FAM13C: variants seen among roughly 807,000 people sequenced by gnomAD.
FAM13C encodes the protein family with sequence similarity 13 member C.
In FAM13C, 37 loss-of-function variants were observed where a neutral mutation model predicts 73.2. That is an observed-to-expected ratio of 0.51 (90% CI 0.39 to 0.67). FAM13C has a LOEUF of 0.67. Ranked by LOEUF, FAM13C falls within the 30% of genes least tolerant of loss-of-function variation. FAM13C has a pLI of 0.00. For missense variants in FAM13C, 589 were observed against 715.6 expected (o/e 0.82, Z 2.02); for synonymous variants, 246 against 260.9 (o/e 0.94, Z 0.55).
intron 4 of FAM13C, among the ~76,000 whole-genome samples, chr10:59,317,810 T>G (rs1265576744): frequency 6.6e-6 from 1 of 152,040 alleles, no homozygotes; most frequent in African/African-American, 2.4e-5. Context: ...TAGTTACATA[T>G]GTATACATGT....
chr10:59,348,132 G>T (rs1854559598), intron 3 of FAM13C, among the ~76,000 whole-genome samples: 1 of 152,190 alleles, frequency 6.6e-6, no homozygotes, highest in South Asian at 2.1e-4. Flanking sequence ...CAATATCTAT[G>T]ATGGTGCTTT....
At chr10:59,285,764 C>T (rs1845481367) in intron 5 of FAM13C, among the ~76,000 whole-genome samples, 1 of 152,072 alleles carries the variant, frequency 6.6e-6, no homozygotes, top group Non-Finnish European at 1.5e-5. Flanking sequence ...GGAGACAGCC[C>T]CTTTAAAGAG....
chr10:59,322,698 A>G (rs1850485381), intron 4 of FAM13C, among the ~76,000 whole-genome samples: 1 of 152,172 alleles, frequency 6.6e-6, no homozygotes, highest in Non-Finnish European at 1.5e-5. Context: ...TTGCTTTTAT[A>G]TTATTTTGAA....
At chr10:59,308,247 C>T (rs1246088517) in intron 4 of FAM13C, among the ~76,000 whole-genome samples, 3 of 152,150 alleles carry the variant, frequency 2.0e-5, no homozygotes, top group Non-Finnish European at 4.4e-5. Flanking sequence ...GCCTGCACTC[C>T]TCAGAGCCCA....
chr10:59,251,403 C>G, intron 13 of FAM13C, 172 bp downstream of exon 13: 4 of 650,862 alleles, frequency 6.1e-6, no homozygotes, highest in Non-Finnish European at 1.1e-5. Flanking sequence ...ATGAAACATC[C>G]CTAATACTGG....
intron 3 of FAM13C, among the ~76,000 whole-genome samples, chr10:59,334,486 T>G (rs541098088): frequency 4.3e-4 from 66 of 152,226 alleles, no homozygotes; most frequent in African/African-American, 1.5e-3. Context: ...CTATTCATAA[T>G]AGCAAAGACT....
intron 5 of FAM13C, 148 bp downstream of exon 5, chr10:59,302,653 T>G (rs1003621718): frequency 2.9e-6 from 2 of 688,672 alleles, no homozygotes; most frequent in African/African-American, 3.6e-5. Flanking sequence ...CATTACCAAT[T>G]GAACAAAGAA....
intron 5 of FAM13C, among the ~76,000 whole-genome samples, chr10:59,298,757 C>G (rs1847213218): frequency 6.6e-6 from 1 of 152,198 alleles, no homozygotes; most frequent in South Asian, 2.1e-4. Context: ...AGGCCTTAAC[C>G]ATGAGTTACT....
At chr10:59,344,655 TTAAGA>T (rs1312526784) in intron 3 of FAM13C, among the ~76,000 whole-genome samples, 6 of 152,112 alleles carry the variant, frequency 3.9e-5, no homozygotes, top group Non-Finnish European at 8.8e-5. Flanking sequence ...CAACAACCTC[TTAAGA>T]TAGATACAAT....
chr10:59,330,676 C>T (rs555777340), intron 3 of FAM13C, among the ~76,000 whole-genome samples: 1 of 152,208 alleles, frequency 6.6e-6, no homozygotes, highest in East Asian at 1.9e-4. Flanking sequence ...AATCTAGCTA[C>T]CCCTCTCTAG....
intron 4 of FAM13C, among the ~76,000 whole-genome samples, chr10:59,319,976 G>A (rs1443556875): frequency 6.6e-6 from 1 of 152,142 alleles, no homozygotes; most frequent in Non-Finnish European, 1.5e-5. Context: ...TTTCATCCAG[G>A]AGGACTTAGC....
At chr10:59,251,715 C>A in intron 12 of FAM13C, 39 bp from the exon 13 acceptor site, 1 of 1,438,406 alleles carries the variant, frequency 7.0e-7, no homozygotes, top group Non-Finnish European at 9.5e-7. Flanking sequence ...TGGGCACTGG[C>A]ATAATTGAGA....
intron 3 of FAM13C, among the ~76,000 whole-genome samples, chr10:59,333,741 A>G (rs1852332016): frequency 6.6e-6 from 1 of 152,210 alleles, no homozygotes; most frequent in Non-Finnish European, 1.5e-5. Context: ...CAAGAATCAA[A>G]TTATTTTTCT....
Position 59,283,281 on chromosome 10 carries a change from G to A in FAM13C, c.592+82C>T, listed in dbSNP as rs545995306. The A allele has an allele frequency of 6.8e-5, 98 of 1,447,014 alleles. No homozygotes were observed. The African/African-American group carries it at 1.1e-3, about 16-fold the overall frequency. 89.6% of individuals were successfully genotyped at this position (1,447,014 alleles called of 1,614,324 possible). ...GCCCCAGGCACTGTTTTCCCTCAGG[G>A]GCTCAGGCTGAGTGTGAACCAGCAA... On this transcript the variant is annotated intron_variant, in intron 6 of 13. Transcript: ENST00000618804.
intron 2 of FAM13C, among the ~76,000 whole-genome samples, chr10:59,352,848 C>T (rs1855249282): frequency 6.6e-6 from 1 of 152,140 alleles, no homozygotes; most frequent in African/African-American, 2.4e-5. Flanking sequence ...TAGATGAAGA[C>T]TCTAAGAGAT....
chr10:59,324,252 C>T (rs1049234679), intron 3 of FAM13C, 146 bp from the exon 4 acceptor site: 8 of 614,518 alleles, frequency 1.3e-5, no homozygotes, highest in Admixed American at 8.5e-5. Context: ...AGCCAATTCA[C>T]TGGTCCAAAA....
intron 3 of FAM13C, among the ~76,000 whole-genome samples, chr10:59,326,698 C>T (rs1398502853): frequency 6.6e-6 from 1 of 152,106 alleles, no homozygotes; most frequent in Non-Finnish European, 1.5e-5. Flanking sequence ...CACCTATGGG[C>T]AAATAGCCCC....
intron 3 of FAM13C, among the ~76,000 whole-genome samples, chr10:59,338,410 T>C (rs545580576): frequency 6.6e-6 from 1 of 152,276 alleles, no homozygotes; most frequent in African/African-American, 2.4e-5. Flanking sequence ...GTTAAAGGAA[T>C]GAAGAAAGAG....
At chr10:59,348,014 A>T (rs1457959070) in intron 3 of FAM13C, among the ~76,000 whole-genome samples, 1 of 152,138 alleles carries the variant, frequency 6.6e-6, no homozygotes, top group Non-Finnish European at 1.5e-5. Context: ...TTACAGTAGG[A>T]TTATTTACAC....
Sources: gnomAD v4.1 joint callset for allele counts (sites outside exome capture counted in the v4.1 genomes callset) on GRCh38, gnomAD v4.1.1 for gene constraint, MANE v1.5 for transcripts, NCBI Gene and HGNC (gene_info 2026-07-23, HGNC 2026-07-21) for gene names.